Variants in CENPE observed in about 807,000 individuals in gnomAD.
CENPE encodes centromere-associated protein E.
Under a neutral mutation model 336.1 loss-of-function variants are expected in CENPE, and 145 were observed. That is an observed-to-expected ratio of 0.43 (90% CI 0.38 to 0.50). The LOEUF is 0.50. Among genes scored for constraint, CENPE ranks in the 20% least tolerant of loss-of-function variants. The pLI, the probability that CENPE is intolerant of heterozygous loss-of-function variation, is 0.00. For synonymous variants in CENPE, 1,013 were observed against 984.8 expected, an observed-to-expected ratio of 1.03 and a Z score of -0.54; for missense variants, 2,719 against 3,023.3, an observed-to-expected ratio of 0.90 and a Z score of 2.36.
At chr4:103,126,820 T>G (rs1449175894) in intron 42 of CENPE, among the ~76,000 whole-genome samples, 1 of 152,090 alleles carries the variant, frequency 6.6e-6, no homozygotes, top group African/African-American at 2.4e-5. Context: ...ATTAGCAGAC[T>G]GGCTGAAGAA....
In CENPE at chr4:103,147,621, T is replaced by C. The variant is rs776450638; in HGVS notation, c.3869A>G (p.Glu1290Gly). 1.6e-5 allele frequency: 25 copies of C among 1,612,544 alleles called. No individual in the cohort carries two copies. The highest frequency in any genetic ancestry group is 2.1e-5 in the Non-Finnish European group (25 of 1,179,866). The change falls in exon 29 of 49, where the codon GAG becomes GGG. Residue 1290 changes from glutamate (E) to glycine (G), a missense_variant. Glu to Gly is a moderately conservative substitution (Grantham distance 98). Transcript: ENST00000265148. Reference protein sequence around the residue: ...EEIPVLHEEQELLPNVKEVSE... With the variant: ...EEIPVLHEEQGLLPNVKEVSE... The stretch of plus-strand genomic sequence containing the variant: ...GACTTCTTTCACATTAGGCAGTAAC[T>C]CTTGTTCCTCATGAAGCACTGGGAT...
chr4:103,170,836 T>A (rs1755339166), intron 16 of CENPE, among the ~76,000 whole-genome samples: 1 of 151,950 alleles, frequency 6.6e-6, no homozygotes, highest in African/African-American at 2.4e-5. Flanking sequence ...AAGGAAGGGG[T>A]GGAAAAAGAT....
At chr4:103,124,838 G>A (rs1750955032) in intron 42 of CENPE, among the ~76,000 whole-genome samples, 1 of 152,046 alleles carries the variant, frequency 6.6e-6, no homozygotes, top group Non-Finnish European at 1.5e-5. Context: ...TCGTGTTCCT[G>A]ACACCCTGGA....
At chr4:103,122,843 G>A in intron 43 of CENPE, 28 bp downstream of exon 43, 1 of 1,541,218 alleles carries the variant, frequency 6.5e-7, no homozygotes, top group Non-Finnish European at 9.0e-7. Context: ...GCTGCAAACT[G>A]AAGAACATTT....
At chr4:103,110,698 A>G in intron 47 of CENPE, 130 bp downstream of exon 47, 1 of 535,432 alleles carries the variant, frequency 1.9e-6, no homozygotes, top group Non-Finnish European at 3.1e-6. Flanking sequence ...TTATTACCTG[A>G]GCTCTAAAAA....
chr4:103,138,087 G>A (rs1238982960), intron 39 of CENPE, among the ~76,000 whole-genome samples: 1 of 152,140 alleles, frequency 6.6e-6, no homozygotes, highest in Non-Finnish European at 1.5e-5. Context: ...TCAGACATCT[G>A]TATGGCCTGA....
At chr4:103,118,081 CT>C (rs1350919264) in intron 44 of CENPE, among the ~76,000 whole-genome samples, 1 of 152,204 alleles carries the variant, frequency 6.6e-6, no homozygotes, top group African/African-American at 2.4e-5. Context: ...CTCAGCTCAT[CT>C]GAGTAAATAC....
At chr4:103,107,146 G>A (rs1748967645) in intron 48 of CENPE, among the ~76,000 whole-genome samples, 1 of 152,226 alleles carries the variant, frequency 6.6e-6, no homozygotes, top group Non-Finnish European at 1.5e-5. Flanking sequence ...ATGCTTAGGA[G>A]GATTGCTTGA....
chr4:103,111,953 C>T lies in CENPE; in HGVS notation c.7541-942G>A, dbSNP rs139843488. 4.4e-4 allele frequency among the ~76,000 whole-genome samples: 67 copies of T among 151,736 alleles called. No individual in the cohort carries two copies. The Middle Eastern group carries it at 0.021, about 47-fold the overall frequency. Reference sequence around the variant, plus strand: ...TCAATGTGTTTTTACCCACAACTTTCGGTTTGATCTTTATGTACGTGTGTG... The same window carrying T: ...TCAATGTGTTTTTACCCACAACTTTTGGTTTGATCTTTATGTACGTGTGTG... On this transcript the variant is annotated intron_variant, in intron 46 of 48. Transcript: ENST00000265148.
chr4:103,188,858 G>A (rs967277389), intron 8 of CENPE, among the ~76,000 whole-genome samples: 2 of 152,102 alleles, frequency 1.3e-5, no homozygotes, highest in Non-Finnish European at 2.9e-5. Flanking sequence ...CCAGGAGCTG[G>A]TTTTTTGAAA....
At chr4:103,159,418 T>G (rs1409174267) in intron 21 of CENPE, 94 bp from the exon 22 acceptor site, 6 of 746,316 alleles carry the variant, frequency 8.0e-6, no homozygotes, top group Non-Finnish European at 1.2e-5. Flanking sequence ...AAAAGAGAAG[T>G]TATTTACATT....
intron 10 of CENPE, 86 bp from the exon 11 acceptor site, chr4:103,182,977 TCAGC>T: frequency 7.5e-7 from 1 of 1,334,510 alleles, no homozygotes; most frequent in South Asian, 1.4e-5. Flanking sequence ...AACTCTTAAA[TCAGC>T]CAGAGTTTCA....
intron 16 of CENPE, among the ~76,000 whole-genome samples, chr4:103,171,529 G>T (rs1755410202): frequency 6.6e-6 from 1 of 151,844 alleles, no homozygotes; most frequent in Non-Finnish European, 1.5e-5. Flanking sequence ...TAAAAGAGAA[G>T]TTTATAGTAA....
intron 8 of CENPE, 103 bp from the exon 9 acceptor site, chr4:103,185,964 G>A (rs776452251): frequency 5.4e-5 from 39 of 718,518 alleles, no homozygotes; most frequent in East Asian, 2.7e-4. Flanking sequence ...CTGAATATTC[G>A]ATCTGTATCC....
At position 103,158,884 on chromosome 4, in the gene CENPE, A is replaced by G. The variant is rs1754183981; in HGVS notation, c.2604T>C (p.Leu868=). Residue 868 remains leucine, a splice_region_variant and synonymous_variant, in exon 23 of 49, where the codon CTT becomes CTC. Transcript: ENST00000265148. The stretch of plus-strand genomic sequence containing the variant: ...CCTGAAGTTCTTGGGTCTTGTAAGA[A>G]AGCTTTAAAAAAGAAAAAGTAAATG... ...DSSLGALKTE[L]SYKTQELQEK... The G allele has an allele frequency of 6.3e-7, 1 of 1,592,182 alleles. No homozygotes were observed. Among genetic ancestry groups the G allele is most frequent in the African/African-American group, 1.4e-5 (1 of 73,138 alleles).
Position 103,180,475 on chromosome 4 carries a change from G to A in CENPE, c.1084-6C>T, listed in dbSNP as rs1022426055. On this transcript the variant is annotated splice_region_variant and splice_polypyrimidine_tract_variant and intron_variant, in intron 12 of 48. Coordinates refer to ENST00000265148, the MANE Select transcript of CENPE (RefSeq NM_001813.3). Reference sequence around the variant, plus strand: ...GCCCGCGTCTCTAAAGAAACCTATAGAATGCAATATTGGATTATGTTAATA... The same window carrying A: ...GCCCGCGTCTCTAAAGAAACCTATAAAATGCAATATTGGATTATGTTAATA... 6.2e-7 allele frequency: 1 copy of A among 1,600,332 alleles called. No individual in the cohort carries two copies. Among genetic ancestry groups the A allele is most frequent in the African/African-American group, 1.3e-5 (1 of 74,404 alleles).
chr4:103,155,500 A>G (rs770119840), intron 24 of CENPE, among the ~76,000 whole-genome samples: 1 of 151,978 alleles, frequency 6.6e-6, no homozygotes, highest in Non-Finnish European at 1.5e-5. Context: ...TTTTGTAGAG[A>G]CGGGGTTTCA....
rs1188994346 is a variant in CENPE at position 103,110,907 on chromosome 4, G to A, written c.7645C>T (p.His2549Tyr). 4 of 1,610,954 alleles carry A rather than the reference G, an allele frequency of 2.5e-6. No homozygotes were observed. Among genetic ancestry groups the A allele is most frequent in the Non-Finnish European group, 3.4e-6 (4 of 1,178,352 alleles). The change falls in exon 47 of 49, where the codon CAT (histidine) becomes TAT (tyrosine). Residue 2549 changes from histidine to tyrosine, a missense_variant. His to Tyr is a moderately conservative substitution (Grantham distance 83). This residue lies in a region of CENPE where 2,437 missense variants were observed against 2,513.3 expected (regional missense o/e 0.97). Coordinates refer to ENST00000265148, the MANE Select transcript of CENPE (RefSeq NM_001813.3). ...NTKALILKSEHIRLEKEISKL... is the reference protein window; with the variant it reads ...NTKALILKSEYIRLEKEISKL... ...GAAATTTCTTTTTCTAGCCTTATATGTTCACTTTTCAAAATAAGAGCTTTT... is the reference window on the plus strand; with the variant it reads ...GAAATTTCTTTTTCTAGCCTTATATATTCACTTTTCAAAATAAGAGCTTTT...
rs373401484 is a variant in CENPE, at chr4:103,144,875, T to G, written c.4857+175A>C. The stretch of plus-strand genomic sequence containing the variant: ...TTGAGCTGTCTTCTCTGAAATATTC[T>G]GTCTACTAACAGTTTACTGGTACTC... On this transcript the variant is annotated intron_variant, in intron 32 of 48. Transcript: ENST00000265148. Among the ~76,000 whole-genome samples the G allele has an allele frequency of 7.9e-5, 12 of 152,348 alleles. No homozygotes were observed. The East Asian group carries it at 2.1e-3, about 27-fold the overall frequency.
Sources: gnomAD v4.1 joint callset for allele counts (sites outside exome capture counted in the v4.1 genomes callset) on GRCh38, gnomAD v4.1.1 for gene constraint, gnomAD v4.1.1 regional missense constraint, MANE v1.5 for transcripts, NCBI Gene and HGNC (gene_info 2026-07-23, HGNC 2026-07-21) for gene names.